SLC25A21: variants seen among roughly 807,000 people sequenced by gnomAD.
The protein encoded by SLC25A21 is mitochondrial 2-oxodicarboxylate carrier.
In SLC25A21, 47 loss-of-function variants were observed where a neutral mutation model predicts 43.8. That is an observed-to-expected ratio of 1.07 (90% CI 0.85 to 1.37). The LOEUF (loss-of-function observed/expected upper bound fraction) is 1.37, where lower values mean the gene tolerates loss of function less well. Among genes scored for constraint, SLC25A21 ranks in the 40% most tolerant of loss-of-function variants. SLC25A21 has a pLI of 0.00. For missense variants in SLC25A21, 352 were observed against 350.2 expected, an observed-to-expected ratio of 1.00 and a Z score of -0.04; for synonymous variants, 131 against 121.3, an observed-to-expected ratio of 1.08 and a Z score of -0.52.
intron 1 of SLC25A21, among the ~76,000 whole-genome samples, chr14:37,017,419 G>T (rs919049668): frequency 5.7e-4 from 86 of 152,034 alleles, no homozygotes; most frequent in African/African-American, 2.0e-3. Context: ...CATGTACATG[G>T]TTCATGGTGC....
At chr14:36,761,844 G>C (rs771016916) in intron 3 of SLC25A21, among the ~76,000 whole-genome samples, 9 of 152,130 alleles carry the variant, frequency 5.9e-5, no homozygotes, top group Admixed American at 3.3e-4. Context: ...TGGATACTAG[G>C]AGCTAATTAT....
At chr14:37,074,715 C>A (rs753165510) in intron 1 of SLC25A21, among the ~76,000 whole-genome samples, 17 of 152,212 alleles carry the variant, frequency 1.1e-4, no homozygotes, top group Non-Finnish European at 1.9e-4. Flanking sequence ...CACCTGTAAT[C>A]CCAGCTACTC....
At chr14:36,752,945 A>C (rs921356105) in intron 3 of SLC25A21, among the ~76,000 whole-genome samples, 1 of 152,232 alleles carries the variant, frequency 6.6e-6, no homozygotes, top group Non-Finnish European at 1.5e-5. Context: ...CTATAAGTCA[A>C]TATATAACCC....
At chr14:36,866,177 C>T (rs1413212203) in intron 2 of SLC25A21, among the ~76,000 whole-genome samples, 1 of 152,044 alleles carries the variant, frequency 6.6e-6, no homozygotes, top group African/African-American at 2.4e-5. Flanking sequence ...TGGGGTGTTG[C>T]GATGTTGCCT....
At chr14:36,779,101 GC>G (rs1886939254) in intron 3 of SLC25A21, among the ~76,000 whole-genome samples, 1 of 151,194 alleles carries the variant, frequency 6.6e-6, no homozygotes, top group African/African-American at 2.4e-5. Flanking sequence ...ATCTCACTTA[GC>G]CAAATGTCCT....
chr14:36,866,049 T>A (rs1040051441), intron 2 of SLC25A21, among the ~76,000 whole-genome samples: 2 of 152,160 alleles, frequency 1.3e-5, no homozygotes, highest in South Asian at 4.1e-4. Flanking sequence ...TATGAGCAGA[T>A]GTGAAAATGC....
At position 36,814,011 on chromosome 14, in the gene SLC25A21, A is replaced by G; in HGVS notation, c.120-10T>C. ...TCTCTGAATCTGAAACCTAGAAGCA[A>G]AATCAAACCAAAAATTCTAAGTTAA... is the stretch of plus-strand genomic sequence containing the variant. On this transcript the variant is annotated splice_polypyrimidine_tract_variant and intron_variant, in intron 2 of 9. Coordinates refer to ENST00000331299, the MANE Select transcript of SLC25A21 (RefSeq NM_030631.4). The G allele has an allele frequency of 6.3e-7, 1 of 1,586,922 alleles. No individual in the cohort carries two copies. The highest frequency in any genetic ancestry group is 8.6e-7 in the Non-Finnish European group (1 of 1,168,596).
At chr14:37,086,074 T>C (rs902090660) in intron 1 of SLC25A21, among the ~76,000 whole-genome samples, 6 of 151,974 alleles carry the variant, frequency 3.9e-5, no homozygotes, top group African/African-American at 1.2e-4. Context: ...CACTGCACTG[T>C]AGCCTGGGCA....
intron 1 of SLC25A21, among the ~76,000 whole-genome samples, chr14:36,964,703 G>C (rs1405896765): frequency 6.6e-6 from 1 of 152,134 alleles, no homozygotes; most frequent in African/African-American, 2.4e-5. Context: ...AATATAAGTA[G>C]AATCAGGGCC....
At chr14:37,045,236 GAGAA>G (rs1961562763) in intron 1 of SLC25A21, among the ~76,000 whole-genome samples, 1 of 152,214 alleles carries the variant, frequency 6.6e-6, no homozygotes, top group Non-Finnish European at 1.5e-5. Context: ...TAAATTTCTA[GAGAA>G]TATGAAAAGT....
At chr14:36,744,118 G>A (rs1456694042) in intron 3 of SLC25A21, among the ~76,000 whole-genome samples, 1 of 152,072 alleles carries the variant, frequency 6.6e-6, no homozygotes, top group African/African-American at 2.4e-5. Flanking sequence ...ACTGCCCAAA[G>A]TAATCTACAG....
chr14:36,698,866 C>G (rs956856633), intron 7 of SLC25A21, among the ~76,000 whole-genome samples: 4 of 152,148 alleles, frequency 2.6e-5, no homozygotes, highest in African/African-American at 9.7e-5. Context: ...CGAATATCCT[C>G]GTTTAGCTCA....
In SLC25A21 at chr14:37,138,156, G is replaced by A. The variant is rs1012199; in HGVS notation, c.70+34125C>T. Among the ~76,000 whole-genome samples the A allele has an allele frequency of 0.017, 2,627 of 152,076 alleles. 183 individuals are homozygous for A. In the East Asian group the frequency reaches 0.26, roughly 15 times the overall value. The stretch of plus-strand genomic sequence containing the variant: ...GATGTAATATCCCACCCCTAAACAC[G>A]CATTTATTCCCAGGTGACTATTTAA... On this transcript the variant is annotated intron_variant, in intron 1 of 9. Transcript: ENST00000331299.
chr14:37,110,556 G>A (rs1963000030), intron 1 of SLC25A21, among the ~76,000 whole-genome samples: 1 of 152,134 alleles, frequency 6.6e-6, no homozygotes, highest in African/African-American at 2.4e-5. Flanking sequence ...TGCTTGGATT[G>A]AAGAGCACAG....
chr14:37,059,976 T>G (rs1291479447), intron 1 of SLC25A21, among the ~76,000 whole-genome samples: 1 of 152,156 alleles, frequency 6.6e-6, no homozygotes, highest in African/African-American at 2.4e-5. Context: ...CTTTTCTTAT[T>G]TTTAAGAAGA....
At chr14:37,078,842 C>CA (rs1555345727) in intron 1 of SLC25A21, among the ~76,000 whole-genome samples, 1 of 144,248 alleles carries the variant, frequency 6.9e-6, no homozygotes, top group Non-Finnish European at 1.5e-5. Context: ...CATTATTTTC[C>CA]TTTTTTTTTT....
intron 2 of SLC25A21, among the ~76,000 whole-genome samples, chr14:36,845,992 A>G (rs1889529291): frequency 6.6e-6 from 1 of 152,212 alleles, no homozygotes; most frequent in Admixed American, 6.5e-5. Context: ...AGCACTGGAC[A>G]TGGATAGTAA....
intron 2 of SLC25A21, among the ~76,000 whole-genome samples, chr14:36,827,521 C>T (rs1888877420): frequency 6.6e-6 from 1 of 152,068 alleles, no homozygotes; most frequent in Non-Finnish European, 1.5e-5. Flanking sequence ...GCAGATCTTT[C>T]CTTTTTTGTG....
chr14:37,167,024 GT>G (rs1463204530), intron 1 of SLC25A21, among the ~76,000 whole-genome samples: 2 of 152,148 alleles, frequency 1.3e-5, no homozygotes, highest in East Asian at 3.9e-4. Context: ...AAAGTAAGGG[GT>G]AAGACATTCT....
Sources: allele counts gnomAD v4.1 joint callset (sites outside exome capture counted in the v4.1 genomes callset), GRCh38; gene constraint gnomAD v4.1.1; transcripts MANE v1.5; gene names NCBI Gene and HGNC (gene_info 2026-07-23, HGNC 2026-07-21).